The following UMAD1 variants were observed in gnomAD, a reference collection of about 807,000 sequenced individuals.
The protein encoded by UMAD1 is UBAP1-MVB12-associated (UMA)-domain containing protein 1.
UMAD1 carries 8 observed loss-of-function variants against 6.1 expected under a neutral mutation model. The ratio of observed to expected loss-of-function variants is 1.30; its 90% CI spans 0.76 to 2.35. The LOEUF is 2.35. UMAD1 is among the 30% of genes most tolerant of loss of function. UMAD1 has a pLI of 0.00. For missense variants in UMAD1, 130 were observed against 78.4 expected, an observed-to-expected ratio of 1.66 and a Z score of -2.49; for synonymous variants, 56 against 31.4, an observed-to-expected ratio of 1.78 and a Z score of -2.61.
At chr7:7,657,325 C>T (rs1248865575) in intron 1 of UMAD1, among the ~76,000 whole-genome samples, 3 of 152,168 alleles carry the variant, frequency 2.0e-5, no homozygotes, top group Non-Finnish European at 4.4e-5. Flanking sequence ...AATTAGATCC[C>T]ATTTGTCAAT....
At chr7:7,767,138 T>C (rs1276208349) in intron 2 of UMAD1, among the ~76,000 whole-genome samples, 6 of 150,226 alleles carry the variant, frequency 4.0e-5, no homozygotes, top group African/African-American at 1.5e-4. Flanking sequence ...CTTTTTTTTT[T>C]TTTTGAGACG....
intron 1 of UMAD1, among the ~76,000 whole-genome samples, chr7:7,647,211 A>G (rs1250577865): frequency 1.3e-5 from 2 of 152,080 alleles, no homozygotes; most frequent in Non-Finnish European, 2.9e-5. Flanking sequence ...AGTTCTAGGT[A>G]TTTTCTAGTT....
At chr7:7,860,668 G>A (rs1452996236) in intron 3 of UMAD1, among the ~76,000 whole-genome samples, 6 of 150,322 alleles carry the variant, frequency 4.0e-5, no homozygotes, top group African/African-American at 7.3e-5. Context: ...CCAGTTACTC[G>A]GGAGGCTGAG....
intron 3 of UMAD1, among the ~76,000 whole-genome samples, chr7:7,826,278 G>A (rs79400897): frequency 0.019 from 2,843 of 152,180 alleles, 84 homozygotes; most frequent in African/African-American, 0.063. Flanking sequence ...GTGGCTCCAT[G>A]ATACTAACAG....
chr7:7,844,154 C>G (rs1265442258), intron 3 of UMAD1, among the ~76,000 whole-genome samples: 2 of 152,206 alleles, frequency 1.3e-5, no homozygotes, highest in African/African-American at 4.8e-5. Flanking sequence ...TCTTCTTTCT[C>G]TTAACAAGAG....
chr7:7,741,100 A>G lies in UMAD1; in HGVS notation c.83-60570A>G, dbSNP rs147272389. ...TTTGACAAAACCATTAACGTAGCTA[A>G]TAGCATGGCAGTGAGCAGTTGTGCA... On this transcript the variant is annotated intron_variant, in intron 2 of 3. Coordinates refer to ENST00000682710, the MANE Select transcript of UMAD1 (RefSeq NM_001302348.2). The G allele has an allele frequency of 4.0e-3, 604 of 152,326 alleles. 6 individuals carry two copies. Among genetic ancestry groups the G allele is most frequent in the African/African-American group, 0.014 (575 of 41,562 alleles). 9.4% of individuals were successfully genotyped at this position (152,326 alleles called of 1,614,324 possible). A position where few individuals can be genotyped will look rare whatever the true frequency, so the allele number is the denominator to read the frequency against.
At chr7:7,790,498 G>T (rs1782547600) in intron 2 of UMAD1, among the ~76,000 whole-genome samples, 1 of 152,154 alleles carries the variant, frequency 6.6e-6, no homozygotes, top group Non-Finnish European at 1.5e-5. Flanking sequence ...TTGGATTCAG[G>T]CCCATTCAGG....
chr7:7,777,574 AATATATATATATAT>A (rs58039932), intron 2 of UMAD1, among the ~76,000 whole-genome samples: 9 of 113,552 alleles, frequency 7.9e-5, no homozygotes, highest in Non-Finnish European at 1.0e-4. Flanking sequence ...TACATGAGCA[AATATATATATATAT>A]ATATATATAT....
At chr7:7,761,791 T>TC (rs1468448957) in intron 2 of UMAD1, among the ~76,000 whole-genome samples, 1 of 152,176 alleles carries the variant, frequency 6.6e-6, no homozygotes, top group African/African-American at 2.4e-5. Context: ...ATCTCAGCTC[T>TC]CCCCCCTTGT....
chr7:7,767,128 C>CTT lies in UMAD1; in HGVS notation c.83-34529_83-34528dup, dbSNP rs71014711. Among the ~76,000 whole-genome samples the CTT allele has an allele frequency of 4.9e-4, 63 of 129,808 alleles. 2 individuals are homozygous for CTT. The highest frequency in any genetic ancestry group is 2.4e-3 in the South Asian group (9 of 3,772). The allele number at this position is 129,808 out of a possible 152,430, so 85.2% of individuals were successfully genotyped here. ...AGTGAGCATTTCAAGAAATTAAGCTCTTTTTTTTTTTTTTGAGACGGACTC... is the reference window on the plus strand; with the variant it reads ...AGTGAGCATTTCAAGAAATTAAGCTCTTTTTTTTTTTTTTTTGAGACGGACTC... On this transcript the variant is annotated intron_variant, in intron 2 of 3. Transcript: ENST00000682710.
At chr7:7,779,589 T>C (rs750306142) in intron 2 of UMAD1, among the ~76,000 whole-genome samples, 1 of 152,182 alleles carries the variant, frequency 6.6e-6, no homozygotes, top group Non-Finnish European at 1.5e-5. Flanking sequence ...TGAGCCACCA[T>C]GCCCAGCCCC....
intron 2 of UMAD1, among the ~76,000 whole-genome samples, chr7:7,751,581 G>A (rs1158903328): frequency 2.0e-5 from 3 of 152,212 alleles, no homozygotes; most frequent in African/African-American, 2.4e-5. Context: ...GATATTGAAT[G>A]TTGTATATGA....
rs533905359 is a variant in UMAD1 at position 7,750,203 on chromosome 7, C to T, written c.83-51467C>T. 1.6e-4 allele frequency among the ~76,000 whole-genome samples: 24 copies of T among 152,166 alleles called. No homozygotes were observed. The South Asian group carries it at 5.0e-3, about 32-fold the overall frequency. ...AATTTTAACTAATATCTTAAGAAGTCTAGGTAGTATTTATACCCATTTGCC... is the reference window on the plus strand; with the variant it reads ...AATTTTAACTAATATCTTAAGAAGTTTAGGTAGTATTTATACCCATTTGCC... On this transcript the variant is annotated intron_variant, in intron 2 of 3. Coordinates refer to ENST00000682710, the MANE Select transcript of UMAD1 (RefSeq NM_001302348.2).
intron 3 of UMAD1, among the ~76,000 whole-genome samples, chr7:7,814,418 A>G (rs1783087041): frequency 6.6e-6 from 1 of 152,142 alleles, no homozygotes; most frequent in African/African-American, 2.4e-5. Context: ...ACCTAAATTT[A>G]CAGTTCAGTT....
chr7:7,848,479 G>C (rs578237953), intron 3 of UMAD1, among the ~76,000 whole-genome samples: 1 of 152,042 alleles, frequency 6.6e-6, no homozygotes, highest in Non-Finnish European at 1.5e-5. Context: ...AATTATACTC[G>C]ATACCAAAGA....
intron 3 of UMAD1, among the ~76,000 whole-genome samples, chr7:7,808,780 C>G (rs1782968702): frequency 6.6e-6 from 1 of 151,784 alleles, no homozygotes; most frequent in Non-Finnish European, 1.5e-5. Flanking sequence ...AAAATGCTCC[C>G]CACAAAACCA....
At chr7:7,737,318 A>G (rs1009785677) in intron 2 of UMAD1, among the ~76,000 whole-genome samples, 5 of 152,148 alleles carry the variant, frequency 3.3e-5, no homozygotes, top group African/African-American at 1.2e-4. Flanking sequence ...GGCTGTTGTG[A>G]CGTTTAGATC....
At chr7:7,716,780 C>G (rs565563393) in intron 2 of UMAD1, among the ~76,000 whole-genome samples, 149 of 152,300 alleles carry the variant, frequency 9.8e-4, no homozygotes, top group Non-Finnish European at 1.7e-3. Flanking sequence ...CCCGTCTCTA[C>G]TAAAAGCACA....
chr7:7,876,362 G>C (rs573209368), intron 3 of UMAD1, among the ~76,000 whole-genome samples: 2 of 152,198 alleles, frequency 1.3e-5, no homozygotes, highest in Non-Finnish European at 2.9e-5. Flanking sequence ...TGGCGAAGGA[G>C]CTAGTAGGCC....
Sources: allele counts gnomAD v4.1 joint callset (sites outside exome capture counted in the v4.1 genomes callset), GRCh38; gene constraint gnomAD v4.1.1; transcripts MANE v1.5; gene names NCBI Gene and HGNC (gene_info 2026-07-23, HGNC 2026-07-21).